ASTN2: variants seen among roughly 807,000 people sequenced by gnomAD.
ASTN2 encodes the protein astrotactin-2.
ASTN2 carries 54 observed loss-of-function variants against 139.8 expected under a neutral mutation model. That is an observed-to-expected ratio of 0.39 (90% CI 0.31 to 0.48). The LOEUF is 0.48. ASTN2 is among the 20% of genes least tolerant of loss of function. ASTN2 has a pLI of 0.95. For missense variants in ASTN2, 1,565 were observed against 1,725.1 expected, an observed-to-expected ratio of 0.91 and a Z score of 1.64; for synonymous variants, 756 against 719.5, an observed-to-expected ratio of 1.05 and a Z score of -0.81.
At chr9:117,226,724 A>C (rs1213669708) in intron 2 of ASTN2, among the ~76,000 whole-genome samples, 2 of 152,214 alleles carry the variant, frequency 1.3e-5, no homozygotes, top group Admixed American at 6.5e-5. Flanking sequence ...AAGGCTGAAA[A>C]GTCAGTGACA....
At chr9:116,431,138 C>T (rs564086965) in intron 22 of ASTN2, among the ~76,000 whole-genome samples, 1 of 152,172 alleles carries the variant, frequency 6.6e-6, no homozygotes, top group Non-Finnish European at 1.5e-5. Flanking sequence ...GCCACTTTTC[C>T]GGGACTGTAG....
chr9:116,609,263 A>G (rs1390072667), intron 19 of ASTN2, among the ~76,000 whole-genome samples: 2 of 150,550 alleles, frequency 1.3e-5, no homozygotes, highest in African/African-American at 4.9e-5. Context: ...ATGGCTAATA[A>G]AGAGAAAAGC....
chr9:116,817,939 A>G (rs1411296535), intron 12 of ASTN2, among the ~76,000 whole-genome samples: 1 of 152,220 alleles, frequency 6.6e-6, no homozygotes, highest in African/African-American at 2.4e-5. Flanking sequence ...GTCAGCAATG[A>G]CATCAGATCT....
intron 7 of ASTN2, among the ~76,000 whole-genome samples, chr9:116,994,887 TA>T (rs1245771416): frequency 6.6e-6 from 1 of 152,230 alleles, no homozygotes; most frequent in Non-Finnish European, 1.5e-5. Flanking sequence ...TGTTGAGCTT[TA>T]AGTACCAAGT....
intron 13 of ASTN2, among the ~76,000 whole-genome samples, chr9:116,767,388 C>A (rs1186013521): frequency 6.6e-6 from 1 of 152,184 alleles, no homozygotes; most frequent in Non-Finnish European, 1.5e-5. Context: ...ATTAAGCATG[C>A]CACCCAGAGA....
rs1828773021 is a variant in ASTN2, at chr9:116,731,213, AATAATAATAAT to A, written c.2522-2128_2522-2118del. Among the ~76,000 whole-genome samples, 4 of 123,958 alleles carry A rather than the reference AATAATAATAAT, an allele frequency of 3.2e-5. No individual in the cohort carries two copies. The South Asian group carries it at 1.2e-3, about 36-fold the overall frequency. The allele number at this position is 123,958 out of a possible 152,430, so 81.3% of individuals were successfully genotyped here. ...TAATAATAATAATAATAATAATAAT[AATAATAATAAT>A]AAATCTTTTGAAATGCAACAGTTCC... On this transcript the variant is annotated intron_variant, in intron 14 of 22. Transcript: ENST00000313400.
At chr9:117,400,302 T>C (rs1244982756) in intron 1 of ASTN2, among the ~76,000 whole-genome samples, 2 of 152,268 alleles carry the variant, frequency 1.3e-5, no homozygotes, top group African/African-American at 4.8e-5. Context: ...TTCCTAGCTC[T>C]GTAGCTGCCC....
chr9:116,575,105 A>C (rs1385485210), intron 19 of ASTN2, among the ~76,000 whole-genome samples: 1 of 152,074 alleles, frequency 6.6e-6, no homozygotes, highest in Non-Finnish European at 1.5e-5. Flanking sequence ...CTTGTCCTTC[A>C]AGGCTCTACT....
At chr9:117,068,242 T>C (rs370889961) in intron 5 of ASTN2, among the ~76,000 whole-genome samples, 2 of 84,084 alleles carry the variant, frequency 2.4e-5, no homozygotes, top group African/African-American at 4.8e-5. Flanking sequence ...TGTCAAAGGC[T>C]TTTTCTGCAT....
At chr9:116,459,503 A>T (rs1382243694) in intron 20 of ASTN2, among the ~76,000 whole-genome samples, 1 of 152,110 alleles carries the variant, frequency 6.6e-6, no homozygotes, top group Admixed American at 6.6e-5. Context: ...ATGTTTACAG[A>T]TTTCATATCT....
At position 116,650,457 on chromosome 9, in the gene ASTN2, A is replaced by C. The variant is rs767848257; in HGVS notation, c.3072+1071T>G. On this transcript the variant is annotated intron_variant, in intron 17 of 22. Coordinates refer to ENST00000313400, the MANE Select transcript of ASTN2 (RefSeq NM_001365068.1). The stretch of plus-strand genomic sequence containing the variant: ...CTCTGGAGCAGACCAACTTTGAGTA[A>C]ATCACTTAATATCTTTGAGGTTTCC... 2.0e-4 allele frequency among the ~76,000 whole-genome samples: 30 copies of C among 152,338 alleles called. 1 individual carries two copies. The highest frequency in any genetic ancestry group is 3.4e-3 in the Middle Eastern group (1 of 294).
intron 1 of ASTN2, among the ~76,000 whole-genome samples, chr9:117,409,700 G>A (rs1831108696): frequency 6.6e-6 from 1 of 152,124 alleles, no homozygotes; most frequent in African/African-American, 2.4e-5. Flanking sequence ...CTGTGGTATG[G>A]GCACAGCTCA....
At chr9:116,532,723 C>A (rs1222143512) in intron 19 of ASTN2, among the ~76,000 whole-genome samples, 1 of 152,132 alleles carries the variant, frequency 6.6e-6, no homozygotes, top group African/African-American at 2.4e-5. Flanking sequence ...TGGTCTATAT[C>A]TCTGTTTTGG....
At chr9:116,463,860 T>G (rs1348764396) in intron 20 of ASTN2, among the ~76,000 whole-genome samples, 2 of 151,882 alleles carry the variant, frequency 1.3e-5, no homozygotes, top group Admixed American at 6.6e-5. Context: ...ACCTCAACCC[T>G]TGAGTAGCTG....
intron 17 of ASTN2, among the ~76,000 whole-genome samples, chr9:116,632,204 GAAA>G (rs67808933): frequency 6.4e-4 from 34 of 53,320 alleles, no homozygotes; most frequent in African/African-American, 1.9e-3. Context: ...GAGAAAGAAA[GAAA>G]AGAAAGAAAG....
intron 2 of ASTN2, among the ~76,000 whole-genome samples, chr9:117,247,139 G>A (rs1256356723): frequency 1.3e-5 from 2 of 152,108 alleles, no homozygotes. Context: ...AATGGAAAAA[G>A]AAAAATCATA....
intron 3 of ASTN2, among the ~76,000 whole-genome samples, chr9:117,199,711 A>G (rs1346336428): frequency 6.6e-6 from 1 of 152,020 alleles, no homozygotes; most frequent in African/African-American, 2.4e-5. Context: ...GCTATAAATT[A>G]CTTTTGGCAG....
chr9:116,688,230 C>G (rs1382869722), intron 16 of ASTN2, among the ~76,000 whole-genome samples: 1 of 151,962 alleles, frequency 6.6e-6, no homozygotes, highest in Non-Finnish European at 1.5e-5. Context: ...CAATATACAG[C>G]CCCAAAGATT....
At chr9:116,944,437 T>C (rs919238031) in intron 10 of ASTN2, among the ~76,000 whole-genome samples, 6 of 151,882 alleles carry the variant, frequency 4.0e-5, no homozygotes, top group Non-Finnish European at 7.4e-5. Context: ...TCCCAGCACT[T>C]TGGGAGGCCG....
Sources: gnomAD v4.1 joint callset for allele counts (sites outside exome capture counted in the v4.1 genomes callset) on GRCh38, gnomAD v4.1.1 for gene constraint, MANE v1.5 for transcripts, NCBI Gene and HGNC (gene_info 2026-07-23, HGNC 2026-07-21) for gene names.